Variants in RIOK1 observed in about 807,000 individuals in gnomAD.
The protein encoded by RIOK1 is RIO kinase 1.
In RIOK1, 66 loss-of-function variants were observed where a neutral mutation model predicts 73.5. The observed-to-expected ratio is 0.90, with a 90% CI of 0.74 to 1.10. The LOEUF (loss-of-function observed/expected upper bound fraction) is 1.10. Ranked by LOEUF, RIOK1 falls within the 50% of genes least tolerant of loss-of-function variation. The probability of loss-of-function intolerance (pLI) is 0.00; values close to 1 mark genes in which losing one functional copy is unlikely to be tolerated. For synonymous variants in RIOK1, 224 were observed against 226.8 expected (o/e 0.99, Z 0.11); for missense variants, 658 against 699.8 (o/e 0.94, Z 0.67).
chr6:7,416,872 A>G (rs191839791), intron 16 of RIOK1, among the ~76,000 whole-genome samples: 28 of 152,228 alleles, frequency 1.8e-4, no homozygotes, highest in Admixed American at 1.8e-3. Context: ...CCACCAACCC[A>G]TAATCATTTT....
chr6:7,401,672 T>A (rs1292228109), intron 6 of RIOK1, among the ~76,000 whole-genome samples: 1 of 150,150 alleles, frequency 6.7e-6, no homozygotes, highest in Non-Finnish European at 1.5e-5. Flanking sequence ...GATTTTTAAA[T>A]TTTTTTTAAA....
In RIOK1 at chr6:7,399,061, G is replaced by C. The variant is rs560519106; in HGVS notation, c.480+321G>C. ...TGTGAGCTTTCCCAGAAGATAGGTAGGGTATCTGCCACAAAGCAGGAAGTG... is the reference window on the plus strand; with the variant it reads ...TGTGAGCTTTCCCAGAAGATAGGTACGGTATCTGCCACAAAGCAGGAAGTG... On this transcript the variant is annotated intron_variant, in intron 5 of 16. Coordinates refer to ENST00000379834, the MANE Select transcript of RIOK1 (RefSeq NM_031480.3). Among the ~76,000 whole-genome samples, 273 of 152,314 alleles carry C rather than the reference G, an allele frequency of 1.8e-3. 2 individuals are homozygous for C. The highest frequency in any genetic ancestry group is 6.4e-3 in the African/African-American group (264 of 41,572).
At chr6:7,396,125 G>A (rs1277067361) in intron 3 of RIOK1, among the ~76,000 whole-genome samples, 1 of 152,116 alleles carries the variant, frequency 6.6e-6, no homozygotes, top group African/African-American at 2.4e-5. Context: ...ATTATTTAGT[G>A]ACCTGTTCGA....
chr6:7,413,014 T>C, intron 15 of RIOK1, 72 bp downstream of exon 15: 2 of 705,984 alleles, frequency 2.8e-6, no homozygotes. Context: ...AGTCATACTG[T>C]TTTTTATTAT....
chr6:7,405,113 T>C (rs2113517033), intron 11 of RIOK1, 92 bp downstream of exon 11: 2 of 1,204,390 alleles, frequency 1.7e-6, no homozygotes, highest in Non-Finnish European at 2.4e-6. Flanking sequence ...TCTCACTAAA[T>C]TGTTTGGTGC....
At position 7,405,018 on chromosome 6, in the gene RIOK1, A is replaced by G. The variant is rs767961210; in HGVS notation, c.1093A>G (p.Asn365Asp). The G allele has an allele frequency of 3.3e-5, 53 of 1,613,074 alleles. No homozygotes were observed. Among genetic ancestry groups the G allele is most frequent in the Non-Finnish European group, 4.4e-5 (52 of 1,179,198 alleles). The change falls in exon 11 of 17, where the codon AAT becomes GAT. Residue 365 changes from asparagine (N) to aspartate (D), a missense_variant. Physicochemically the swap from Asn to Asp is conservative, Grantham distance 23. Transcript: ENST00000379834. ...EFLRKDCANV[N>D]DFFMRHSVAV... is the part of the protein sequence containing the mutation. ...CTTGAGAAAGGATTGCGCCAACGTC[A>G]ATGGTGAGTAGAAACGGCAATTTTC...
At chr6:7,416,517 A>G (rs1343537573) in intron 16 of RIOK1, among the ~76,000 whole-genome samples, 1 of 151,988 alleles carries the variant, frequency 6.6e-6, no homozygotes, top group Non-Finnish European at 1.5e-5. Flanking sequence ...GCGTGGTGGC[A>G]GGCGCCTGTA....
chr6:7,400,906 G>T, intron 5 of RIOK1, 52 bp from the exon 6 acceptor site: 1 of 1,127,924 alleles, frequency 8.9e-7, no homozygotes, highest in South Asian at 1.3e-5. Flanking sequence ...TTTTAATGAG[G>T]AAAATTTGGT....
chr6:7,405,790 C>CTTTTTTTTTTTTTTTTTTTTTT (rs1761729812), intron 12 of RIOK1, among the ~76,000 whole-genome samples: 1 of 142,696 alleles, frequency 7.0e-6, no homozygotes, highest in Non-Finnish European at 1.5e-5. Flanking sequence ...TTTTTTTTTT[C>CTTTTTTTTTTTTTTTTTTTTTT]CTTTTTTTTT....
chr6:7,407,552 C>T (rs1170217315), intron 12 of RIOK1, among the ~76,000 whole-genome samples: 1 of 151,754 alleles, frequency 6.6e-6, no homozygotes, highest in Non-Finnish European at 1.5e-5. Context: ...TGGTACAATC[C>T]TGTCTCACTA....
chr6:7,416,374 C>T (rs1319635831), intron 16 of RIOK1, among the ~76,000 whole-genome samples: 6 of 152,286 alleles, frequency 3.9e-5, no homozygotes, highest in Middle Eastern at 3.4e-3. Context: ...CTCAGCTGGG[C>T]GCGGTGGCTC....
intron 1 of RIOK1, 54 bp downstream of exon 1, chr6:7,390,127 C>G (rs1435329044): frequency 2.0e-6 from 3 of 1,475,314 alleles, no homozygotes; most frequent in Non-Finnish European, 2.8e-6. Context: ...CTTGACCGCC[C>G]CCTTGGGGTG....
At chr6:7,398,220 G>A (rs897877352) in intron 4 of RIOK1, among the ~76,000 whole-genome samples, 2 of 152,052 alleles carry the variant, frequency 1.3e-5, no homozygotes, top group African/African-American at 2.4e-5. Flanking sequence ...CCTTGTAAAT[G>A]ACTAACTCTA....
chr6:7,406,714 G>A (rs1246772678), intron 12 of RIOK1, among the ~76,000 whole-genome samples: 2 of 152,110 alleles, frequency 1.3e-5, no homozygotes, highest in Non-Finnish European at 2.9e-5. Context: ...AGGCTAGAGT[G>A]CAGTGGCGTG....
rs773015943 is a variant in RIOK1 at position 7,414,254 on chromosome 6, A to C, written c.1460A>C (p.Glu487Ala). 27 of 1,612,846 alleles carry C rather than the reference A, an allele frequency of 1.7e-5. No homozygotes were observed. In the East Asian group the frequency reaches 5.6e-4, roughly 33 times the overall value. The change falls in exon 16 of 17, where the codon GAA (glutamate) becomes GCA (alanine). Residue 487 changes from glutamate (E) to alanine (A), a missense_variant. Glu to Ala is a moderately radical substitution (Grantham distance 107). Transcript: ENST00000379834. The stretch of plus-strand genomic sequence containing the variant: ...AATTTCAAGGTCCCTGCACTCCTAG[A>C]AAATCAAGTGGAGGAAAGGACTTGT... Reference protein sequence around the residue: ...SGVQKVPALLENQVEERTCSD... With the variant: ...SGVQKVPALLANQVEERTCSD...
chr6:7,397,457 T>G (rs57627705), intron 4 of RIOK1, among the ~76,000 whole-genome samples: 10,943 of 152,260 alleles, frequency 0.072, 783 homozygotes, highest in African/African-American at 0.19. Context: ...TTTTAAAAAT[T>G]TAAGGGAAGA....
Position 7,402,860 on chromosome 6 carries a change from A to G in RIOK1, c.730A>G (p.Lys244Glu), listed in dbSNP as rs773697637. The G allele has an allele frequency of 1.9e-6, 3 of 1,614,102 alleles. No homozygotes were observed. The South Asian group carries it at 3.3e-5, about 18-fold the overall frequency. ...TAAAGGAAACCCTAGGAAAATGGTGAAAACTTGGGCAGAAAAAGAAATGAG... is the reference window on the plus strand; with the variant it reads ...TAAAGGAAACCCTAGGAAAATGGTGGAAACTTGGGCAGAAAAAGAAATGAG... Reference protein sequence around the residue: ...YCKGNPRKMVKTWAEKEMRNL... With the variant: ...YCKGNPRKMVETWAEKEMRNL... The change falls in exon 8 of 17, where the codon AAA (lysine) becomes GAA (glutamate). Residue 244 changes from lysine to glutamate, a missense_variant. Lys to Glu is a moderately conservative substitution (Grantham distance 56, BLOSUM62 1). Transcript: ENST00000379834.
intron 10 of RIOK1, among the ~76,000 whole-genome samples, 164 bp downstream of exon 10, chr6:7,404,719 G>A (rs1175769702): frequency 1.3e-5 from 2 of 152,130 alleles, no homozygotes; most frequent in East Asian, 1.9e-4. Context: ...CTTAGTCACC[G>A]AATTGACTGC....
At chr6:7,413,685 T>C (rs1215272390) in intron 15 of RIOK1, among the ~76,000 whole-genome samples, 1 of 152,234 alleles carries the variant, frequency 6.6e-6, no homozygotes, top group Non-Finnish European at 1.5e-5. Flanking sequence ...AATCTTGTTG[T>C]ACAATTGACT....
Sources: gnomAD v4.1 joint callset for allele counts (sites outside exome capture counted in the v4.1 genomes callset) on GRCh38, gnomAD v4.1.1 for gene constraint, MANE v1.5 for transcripts, NCBI Gene and HGNC (gene_info 2026-07-23, HGNC 2026-07-21) for gene names.